Variants in ADAMTS17 observed in about 807,000 individuals in gnomAD.
ADAMTS17 encodes ADAM metallopeptidase with thrombospondin type 1 motif 17, also known as A disintegrin and metalloproteinase with thrombospondin motifs 17.
Under a neutral mutation model 141.5 loss-of-function variants are expected in ADAMTS17, and 113 were observed. That is an observed-to-expected ratio of 0.80 (90% confidence interval 0.69 to 0.93). The LOEUF (loss-of-function observed/expected upper bound fraction) is 0.93, where lower values mean the gene tolerates loss of function less well. Ranked by LOEUF, ADAMTS17 falls within the 40% of genes least tolerant of loss-of-function variation. ADAMTS17 has a pLI of 0.00. For synonymous variants in ADAMTS17, 768 were observed against 630.6 expected (o/e 1.22, Z -3.27); for missense variants, 1,659 against 1,517.9 (o/e 1.09, Z -1.54).
At chr15:100,125,085 T>G (rs1187137058) in intron 12 of ADAMTS17, among the ~76,000 whole-genome samples, 8 of 152,164 alleles carry the variant, frequency 5.3e-5, no homozygotes, top group Admixed American at 5.2e-4. Flanking sequence ...AGCTTCACCA[T>G]CCAGAGACAC....
chr15:100,041,136 AC>A (rs2031214659), intron 18 of ADAMTS17, among the ~76,000 whole-genome samples: 1 of 152,208 alleles, frequency 6.6e-6, no homozygotes, highest in Admixed American at 6.5e-5. Flanking sequence ...TTCCATTTTA[AC>A]CCCAAATAAG....
intron 7 of ADAMTS17, among the ~76,000 whole-genome samples, chr15:100,237,174 G>T (rs535218842): frequency 1.3e-5 from 2 of 152,294 alleles, no homozygotes; most frequent in South Asian, 4.1e-4. Context: ...TATGCAGCCC[G>T]GTGAGGAGCC....
At position 99,974,252 on chromosome 15, in the gene ADAMTS17, C is replaced by T. The variant is rs1296930040; in HGVS notation, c.*150G>A. ...TAACAATATATTAAGTACGGAAGCA[C>T]TAATGGCAAACGCCAAGTCCACGCT... On this transcript the variant is annotated 3_prime_UTR_variant, in exon 22 of 22. Transcript: ENST00000268070. The T allele has an allele frequency of 2.0e-6, 2 of 982,764 alleles. No individual in the cohort carries two copies. The highest frequency in any genetic ancestry group is 3.2e-5 in the African/African-American group (2 of 62,310). 60.9% of individuals were successfully genotyped at this position (982,764 alleles called of 1,614,324 possible).
chr15:100,258,662 T>TACCTCCCACCA (rs11274524), intron 6 of ADAMTS17, among the ~76,000 whole-genome samples: 88,689 of 151,728 alleles, frequency 0.58, 26,117 homozygotes, highest in East Asian at 0.82. Context: ...ACGATTCTAT[T>TACCTCCCACCA]GGTCCCTCCC....
At chr15:100,013,843 TTC>T (rs1202280179) in intron 18 of ADAMTS17, among the ~76,000 whole-genome samples, 1 of 152,208 alleles carries the variant, frequency 6.6e-6, no homozygotes, top group African/African-American at 2.4e-5. Flanking sequence ...GTCTGTAGTT[TTC>T]TTTTTTGGTT....
chr15:100,233,641 C>T (rs1415760835), intron 7 of ADAMTS17, among the ~76,000 whole-genome samples: 1 of 152,152 alleles, frequency 6.6e-6, no homozygotes, highest in East Asian at 1.9e-4. Flanking sequence ...AGGCAAAGGA[C>T]AGAGAAACAC....
chr15:100,265,957 C>T (rs1170489186), intron 4 of ADAMTS17, among the ~76,000 whole-genome samples: 1 of 152,222 alleles, frequency 6.6e-6, no homozygotes, highest in Non-Finnish European at 1.5e-5. Flanking sequence ...GCTCCACACC[C>T]ACCGGAGTGT....
At position 100,281,517 on chromosome 15, in the gene ADAMTS17, G is replaced by A. The variant is rs1057474793; in HGVS notation, c.617-116C>T. On this transcript the variant is annotated intron_variant, in intron 3 of 21. Transcript: ENST00000268070. ...AGAGTGGTCAGTCTCGACAGGCCTAGAGGGGCCCAGCACCCAGCAATCTCC... is the reference window on the plus strand; with the variant it reads ...AGAGTGGTCAGTCTCGACAGGCCTAAAGGGGCCCAGCACCCAGCAATCTCC... 38 of 1,339,482 alleles carry A rather than the reference G, an allele frequency of 2.8e-5. No homozygotes were observed. In the African/African-American group the frequency reaches 5.4e-4, roughly 19 times the overall value. The allele number at this position is 1,339,482 out of a possible 1,614,324, so 83.0% of individuals were successfully genotyped here. A position where few individuals can be genotyped will look rare whatever the true frequency, so the allele number is the denominator to read the frequency against.
chr15:100,244,420 G>A (rs796661624), intron 7 of ADAMTS17, among the ~76,000 whole-genome samples: 10 of 146,478 alleles, frequency 6.8e-5, no homozygotes, highest in Admixed American at 2.0e-4. Context: ...ATACAGTTTG[G>A]CTGTGTCCCC....
At chr15:100,020,991 C>T (rs1350552350) in intron 18 of ADAMTS17, among the ~76,000 whole-genome samples, 1 of 152,186 alleles carries the variant, frequency 6.6e-6, no homozygotes, top group Non-Finnish European at 1.5e-5. Context: ...CTATCTCCTT[C>T]CTCCCCCATT....
intron 3 of ADAMTS17, among the ~76,000 whole-genome samples, chr15:100,304,787 T>C (rs11247183): frequency 0.54 from 81,711 of 152,042 alleles, 22,643 homozygotes; most frequent in South Asian, 0.66. Context: ...GTTTGAACTG[T>C]GCGGGCCCAC....
chr15:100,064,946 T>C (rs1053907340), intron 15 of ADAMTS17, among the ~76,000 whole-genome samples: 4 of 152,212 alleles, frequency 2.6e-5, no homozygotes, highest in Non-Finnish European at 5.9e-5. Flanking sequence ...CCTAGCCCTG[T>C]TGTTCCCAAT....
intron 3 of ADAMTS17, among the ~76,000 whole-genome samples, chr15:100,330,047 G>A (rs1239041653): frequency 2.6e-5 from 4 of 152,186 alleles, no homozygotes; most frequent in Non-Finnish European, 5.9e-5. Flanking sequence ...GATCTCCTGG[G>A]AGGAAATGCC....
chr15:100,000,511 C>T (rs543351724), intron 18 of ADAMTS17, among the ~76,000 whole-genome samples: 1 of 152,144 alleles, frequency 6.6e-6, no homozygotes, highest in African/African-American at 2.4e-5. Flanking sequence ...AAAAAACAGC[C>T]ACTATCTTCT....
intron 10 of ADAMTS17, among the ~76,000 whole-genome samples, chr15:100,141,386 T>C (rs949070795): frequency 9.2e-5 from 14 of 152,068 alleles, no homozygotes; most frequent in Admixed American, 9.2e-4. Context: ...CTGCTGAGGG[T>C]TTGGAGGGCG....
chr15:100,210,830 G>C (rs536873903), intron 7 of ADAMTS17, among the ~76,000 whole-genome samples: 1 of 150,818 alleles, frequency 6.6e-6, no homozygotes, highest in Non-Finnish European at 1.5e-5. Flanking sequence ...GGCCGGGCGC[G>C]GTGGCTCACG....
At chr15:100,135,216 A>C (rs2038264945) in intron 10 of ADAMTS17, among the ~76,000 whole-genome samples, 1 of 152,264 alleles carries the variant, frequency 6.6e-6, no homozygotes, top group African/African-American at 2.4e-5. Context: ...AAGATTTCTT[A>C]AACAGAACAC....
intron 4 of ADAMTS17, among the ~76,000 whole-genome samples, chr15:100,275,432 G>A (rs373314126): frequency 1.3e-5 from 2 of 152,174 alleles, no homozygotes. Context: ...GATTCAAGGG[G>A]GAAGAAAATG....
At chr15:100,048,487 T>C (rs562709797) in intron 18 of ADAMTS17, among the ~76,000 whole-genome samples, 1 of 133,014 alleles carries the variant, frequency 7.5e-6, no homozygotes, top group African/African-American at 3.2e-5. Flanking sequence ...TTAGCCTGTG[T>C]GCACCTTTCT....
Sources: allele counts gnomAD v4.1 joint callset (sites outside exome capture counted in the v4.1 genomes callset), GRCh38; gene constraint gnomAD v4.1.1; transcripts MANE v1.5; gene names NCBI Gene and HGNC (gene_info 2026-07-23, HGNC 2026-07-21).